Variants in INTS4 observed in about 807,000 individuals in gnomAD.
INTS4 encodes the protein integrator complex subunit 4.
In INTS4, 70 loss-of-function variants were observed where a neutral mutation model predicts 119.5. The ratio of observed to expected loss-of-function variants is 0.59; its 90% confidence interval spans 0.48 to 0.71. The LOEUF (loss-of-function observed/expected upper bound fraction) is 0.71. Among genes scored for constraint, INTS4 ranks in the 30% least tolerant of loss-of-function variants. INTS4 has a pLI of 0.00. For synonymous variants in INTS4, 316 were observed against 419.6 expected, an observed-to-expected ratio of 0.75 and a Z score of 3.02; for missense variants, 867 against 1,173.2, an observed-to-expected ratio of 0.74 and a Z score of 3.81.
chr11:77,950,813 C>T (rs2136553903), intron 8 of INTS4, among the ~76,000 whole-genome samples: 1 of 152,112 alleles, frequency 6.6e-6, no homozygotes, highest in East Asian at 1.9e-4. Flanking sequence ...TGTTGGTGTG[C>T]TGTACCCATC....
At chr11:77,920,938 G>A (rs1238093950) in intron 14 of INTS4, among the ~76,000 whole-genome samples, 1 of 151,286 alleles carries the variant, frequency 6.6e-6, no homozygotes, top group Non-Finnish European at 1.5e-5. Flanking sequence ...TATTGTTCCA[G>A]GTTCCTTTCT....
Position 77,910,058 on chromosome 11 carries a change from A to T in INTS4, c.1923-2248T>A, listed in dbSNP as rs373628133. ...GGCAATTCCTCAGGGATCTAGAACT[A>T]GAAATATCATTTGACCCAGCCATCC... is the stretch of plus-strand genomic sequence containing the variant. On this transcript the variant is annotated intron_variant, in intron 15 of 22. Coordinates refer to ENST00000534064, the MANE Select transcript of INTS4 (RefSeq NM_033547.4). Among the ~76,000 whole-genome samples the T allele has an allele frequency of 7.7e-4, 118 of 152,288 alleles. 1 individual carries two copies. The highest frequency in any genetic ancestry group is 1.4e-3 in the Non-Finnish European group (96 of 68,014).
rs765562738 is a variant in INTS4, at chr11:77,891,839, A to T, written c.2290T>A (p.Tyr764Asn). The T allele has an allele frequency of 1.8e-5, 29 of 1,610,938 alleles. No homozygotes were observed. Among genetic ancestry groups the T allele is most frequent in the Non-Finnish European group, 2.5e-5 (29 of 1,179,142 alleles). Residue 764 changes from tyrosine (Y) to asparagine (N), a missense_variant and splice_region_variant, in exon 20 of 23, where the codon TAT (tyrosine) becomes AAT (asparagine). Physicochemically the swap from Tyr to Asn is moderately radical, Grantham distance 143. Around this residue, in one of 5 missense-constraint regions of INTS4, gnomAD observed 262 missense variants for 376.0 expected, o/e 0.70. Transcript: ENST00000534064. ...AAGTGGGGCAAATCAGCGATGAAAT[A>T]CCTGGAGGAACAAACAGAAGCAACT... ...FLQEVDFFQR[Y>N]FIADLPHLQD... is the part of the protein sequence containing the mutation.
intron 17 of INTS4, among the ~76,000 whole-genome samples, chr11:77,902,829 A>G (rs1219451024): frequency 1.3e-5 from 2 of 152,338 alleles, no homozygotes; most frequent in African/African-American, 4.8e-5. Context: ...AGAGACAAAT[A>G]AAATTAAAGC....
chr11:77,919,115 T>A, intron 14 of INTS4, 137 bp from the exon 15 acceptor site: 1 of 898,786 alleles, frequency 1.1e-6, no homozygotes, highest in Admixed American at 2.5e-5. Context: ...ATTCTATAAA[T>A]AACATTTCTC....
At chr11:77,910,540 T>G (rs1953067351) in intron 15 of INTS4, among the ~76,000 whole-genome samples, 1 of 151,832 alleles carries the variant, frequency 6.6e-6, no homozygotes, top group East Asian at 1.9e-4. Context: ...CATGTATACA[T>G]ATGTAACTAA....
chr11:77,928,251 A>G (rs1382870452), intron 11 of INTS4, 91 bp downstream of exon 11: 10 of 1,318,984 alleles, frequency 7.6e-6, no homozygotes, highest in Non-Finnish European at 1.1e-5. Flanking sequence ...TCCCTGATAT[A>G]GTGTTCTGTC....
At chr11:77,955,598 C>T (rs10899417) in intron 8 of INTS4, among the ~76,000 whole-genome samples, 58,500 of 151,206 alleles carry the variant, frequency 0.39, 11,475 homozygotes, top group African/African-American at 0.43. Flanking sequence ...CAGGTTCAAG[C>T]GATTCTCCTG....
chr11:77,976,770 T>C (rs1855968423), intron 4 of INTS4, among the ~76,000 whole-genome samples: 1 of 152,206 alleles, frequency 6.6e-6, no homozygotes, highest in Admixed American at 6.5e-5. Flanking sequence ...GTTCATGTCC[T>C]TTGTAGGGAC....
intron 8 of INTS4, among the ~76,000 whole-genome samples, chr11:77,949,484 A>G (rs1954133057): frequency 6.6e-6 from 1 of 151,230 alleles, no homozygotes; most frequent in South Asian, 2.1e-4. Context: ...CAAAGAGCTA[A>G]TATCCAGAAT....
intron 1 of INTS4, among the ~76,000 whole-genome samples, chr11:77,993,971 C>T (rs1411157403): frequency 6.8e-6 from 1 of 147,538 alleles, no homozygotes; most frequent in Non-Finnish European, 1.5e-5. Context: ...CACTGACTCC[C>T]GACAGGGACT....
rs918417216 is a variant in INTS4 at position 77,986,820 on chromosome 11, C to G, written c.246+4288G>C. Among the ~76,000 whole-genome samples the G allele has an allele frequency of 3.3e-5, 5 of 150,404 alleles. No individual in the cohort carries two copies. The East Asian group carries it at 9.8e-4, about 29-fold the overall frequency. On this transcript the variant is annotated intron_variant, in intron 2 of 22. Coordinates refer to ENST00000534064, the MANE Select transcript of INTS4 (RefSeq NM_033547.4). ...CTTGGACACAGGGCGGGAAACATCACACACCGGGGCCTGTTGGGGAGTGGG... is the reference window on the plus strand; with the variant it reads ...CTTGGACACAGGGCGGGAAACATCAGACACCGGGGCCTGTTGGGGAGTGGG...
At chr11:77,905,939 T>C (rs1348783025) in intron 16 of INTS4, among the ~76,000 whole-genome samples, 2 of 152,254 alleles carry the variant, frequency 1.3e-5, no homozygotes, top group Admixed American at 1.3e-4. Context: ...TATGTTGTTA[T>C]TGTCTGTTTT....
rs149743297 is a variant in INTS4 at position 77,884,901 on chromosome 11, C to T, written c.2593-949G>A. The T allele has an allele frequency of 2.7e-3, 641 of 241,150 alleles. 3 individuals carry two copies. The highest frequency in any genetic ancestry group is 3.9e-3 in the Non-Finnish European group (441 of 112,684). The allele number at this position is 241,150 out of a possible 1,614,324, so 14.9% of individuals were successfully genotyped here. Reference sequence around the variant, plus strand: ...TCCTGAGGAGTGGGGATTACAGGCACGTGCCACCACGCCAGGTAATTTTCT... The same window carrying T: ...TCCTGAGGAGTGGGGATTACAGGCATGTGCCACCACGCCAGGTAATTTTCT... On this transcript the variant is annotated intron_variant, in intron 21 of 22. Coordinates refer to ENST00000534064, the MANE Select transcript of INTS4 (RefSeq NM_033547.4).
intron 7 of INTS4, 61 bp downstream of exon 7, chr11:77,958,685 T>C (rs1297822956): frequency 2.0e-5 from 19 of 946,934 alleles, no homozygotes; most frequent in Non-Finnish European, 2.9e-5. Context: ...GCTTTTTGCA[T>C]GGTGAGAGGA....
At chr11:77,962,448 G>C (rs1954498796) in intron 4 of INTS4, among the ~76,000 whole-genome samples, 4 of 152,048 alleles carry the variant, frequency 2.6e-5, no homozygotes, top group Admixed American at 1.3e-4. Context: ...TAAATTATCA[G>C]TTTTCCTCCT....
chr11:77,922,053 C>T (rs1245460015), intron 13 of INTS4, among the ~76,000 whole-genome samples: 1 of 151,506 alleles, frequency 6.6e-6, no homozygotes, highest in East Asian at 1.9e-4. Flanking sequence ...CATGGTGATA[C>T]CTCATCTCTA....
At chr11:77,882,827 T>C (rs182775970) in intron 22 of INTS4, among the ~76,000 whole-genome samples, 6 of 152,240 alleles carry the variant, frequency 3.9e-5, no homozygotes, top group Admixed American at 1.3e-4. Flanking sequence ...TCCCACTACT[T>C]TGGGAGGCCA....
intron 7 of INTS4, among the ~76,000 whole-genome samples, chr11:77,956,354 T>G (rs1283829690): frequency 1.3e-5 from 2 of 152,114 alleles, no homozygotes; most frequent in Admixed American, 1.3e-4. Context: ...AAGGTTGCAG[T>G]GAGCTGAGAT....
Sources: allele counts gnomAD v4.1 joint callset (sites outside exome capture counted in the v4.1 genomes callset), GRCh38; gene constraint gnomAD v4.1.1; regional missense constraint gnomAD v4.1.1; transcripts MANE v1.5; gene names NCBI Gene and HGNC (gene_info 2026-07-23, HGNC 2026-07-21).